TCF3: variants seen among roughly 807,000 people sequenced by gnomAD.
TCF3 encodes transcription factor 3.
In TCF3, 54 loss-of-function variants were observed where a neutral mutation model predicts 72.3. The observed-to-expected ratio is 0.75, with a 90% CI of 0.60 to 0.94. The LOEUF (loss-of-function observed/expected upper bound fraction) is 0.94, where lower values mean the gene tolerates loss of function less well. TCF3 is among the 40% of genes least tolerant of loss of function. TCF3 has a pLI of 0.00. For missense variants in TCF3, 1,078 were observed against 934.4 expected, an observed-to-expected ratio of 1.15 and a Z score of -2.00; for synonymous variants, 525 against 412.6, an observed-to-expected ratio of 1.27 and a Z score of -3.30.
rs536977237 is a variant in TCF3, at chr19:1,615,203, G to A, written c.1822+82C>T. The A allele has an allele frequency of 2.0e-6, 3 of 1,477,094 alleles. No individual in the cohort carries two copies. The South Asian group carries it at 4.1e-5, about 20-fold the overall frequency. The allele number at this position is 1,477,094 out of a possible 1,614,324, so 91.5% of individuals were successfully genotyped here. ...CAGAGGGAGGGCTGGCTCCAGGAAGGCGGGCGGGGAAGGAGAACGAGGGCA... is the reference window on the plus strand; with the variant it reads ...CAGAGGGAGGGCTGGCTCCAGGAAGACGGGCGGGGAAGGAGAACGAGGGCA... On this transcript the variant is annotated intron_variant, in intron 18 of 18. Transcript: ENST00000262965. This position sits in a 1 kb window ranked among gnomAD's most constrained non-coding sequence, Gnocchi z 7.3.
chr19:1,615,764 T>A lies in TCF3; in HGVS notation c.1508A>T (p.Glu503Val), dbSNP rs770520948. 4 of 1,602,692 alleles carry A rather than the reference T, an allele frequency of 2.5e-6. No homozygotes were observed. The African/African-American group carries it at 5.4e-5, about 21-fold the overall frequency. ...AGCCGCTGACGTGTTCTCCTCGTCC[T>A]CCTTCTCCTCCCGCTTGATCTCGCT... ...AASEIKREEKEDEENTSAADH... is the reference protein window; with the variant it reads ...AASEIKREEKVDEENTSAADH... The change falls in exon 17 of 19, where the codon GAG becomes GTG. Residue 503 changes from glutamate (E) to valine (V), a missense_variant. Transcript: ENST00000262965. The surrounding 1 kb of genome is among the most constrained non-coding windows in gnomAD (Gnocchi z 7.3).
In TCF3 at chr19:1,619,406, G is replaced by A. The variant is rs374473648; in HGVS notation, c.1236C>T (p.Ala412=). ...CAGGCAGCAGCGTGTGCATGTCGCC[G>A]GCTGTGCCCACGGCGTGGCTGCGGA... is the stretch of plus-strand genomic sequence containing the variant. ...HVLRSHAVGT[A]GDMHTLLPGH... Residue 412 remains alanine, a synonymous_variant, in exon 15 of 19, where the codon GCC becomes GCT. Coordinates refer to ENST00000262965, the MANE Select transcript of TCF3 (RefSeq NM_003200.5). 148 of 1,593,218 alleles carry A rather than the reference G, an allele frequency of 9.3e-5. 1 individual carries two copies. The East Asian group carries it at 1.3e-3, about 13-fold the overall frequency.
chr19:1,636,349 G>A (rs569373355), intron 3 of TCF3, among the ~76,000 whole-genome samples: 4 of 152,220 alleles, frequency 2.6e-5, no homozygotes, highest in East Asian at 1.9e-4. Flanking sequence ...TAGTAGAGAC[G>A]GGGTTTCATA....
At chr19:1,642,291 C>T (rs1026049050) in intron 3 of TCF3, among the ~76,000 whole-genome samples, 1 of 152,028 alleles carries the variant, frequency 6.6e-6, no homozygotes, top group African/African-American at 2.4e-5. Flanking sequence ...GACGCGCACA[C>T]GCACAGACAC....
Position 1,625,613 on chromosome 19 carries a change from G to C in TCF3, c.462C>G (p.Ser154=), listed in dbSNP as rs144529009. 1 of 1,582,714 alleles carries C rather than the reference G, an allele frequency of 6.3e-7. No individual in the cohort carries two copies. The highest frequency in any genetic ancestry group is 8.6e-7 in the Non-Finnish European group (1 of 1,166,976). Residue 154 remains serine (S), a synonymous_variant, in exon 7 of 19, where the codon TCC becomes TCG. Transcript: ENST00000262965. ...KGTSQYYPSY[S]GSSRRRAADG... ...CTGCCGCTCTCCGCCGGGAGCTGCCGGAGTAGGAGGGGTAGTACTGGGAGG... is the reference window on the plus strand; with the variant it reads ...CTGCCGCTCTCCGCCGGGAGCTGCCCGAGTAGGAGGGGTAGTACTGGGAGG...
chr19:1,619,850 G>T lies in TCF3; in HGVS notation c.1097C>A (p.Thr366Lys). 1 of 1,577,324 alleles carries T rather than the reference G, an allele frequency of 6.3e-7. No individual in the cohort carries two copies. ...PVGSPQGLAG[T>K]SQWPRAGAPG... ...GGCTCCTGCTCGAGGCCACTGTGAC[G>T]TTCCTGGAAGGGAGTGGGGACGTGA... Residue 366 changes from threonine to lysine, a missense_variant, in exon 14 of 19, where the codon ACG becomes AAG. Coordinates refer to ENST00000262965, the MANE Select transcript of TCF3 (RefSeq NM_003200.5).
At chr19:1,642,346 G>A (rs1320548990) in intron 3 of TCF3, among the ~76,000 whole-genome samples, 6 of 152,138 alleles carry the variant, frequency 3.9e-5, no homozygotes, top group African/African-American at 1.2e-4. Context: ...GTGTAAAGCC[G>A]GTGGAATCTG....
chr19:1,650,600 A>T (rs376066897), intron 1 of TCF3: 14 of 290,540 alleles, frequency 4.8e-5, no homozygotes, highest in East Asian at 4.1e-4. Context: ...CCAAGTTTAA[A>T]CTGCACGCAG....
intron 13 of TCF3, among the ~76,000 whole-genome samples, chr19:1,620,608 C>G (rs2062072449): frequency 6.6e-6 from 1 of 152,202 alleles, no homozygotes; most frequent in Non-Finnish European, 1.5e-5. Context: ...GTCCTGCCTC[C>G]TGGCTTTGCC....
chr19:1,647,898 G>T (rs2066369907), intron 2 of TCF3, among the ~76,000 whole-genome samples: 1 of 152,294 alleles, frequency 6.6e-6, no homozygotes, highest in Middle Eastern at 3.4e-3. Context: ...TGTGGGACGT[G>T]GTGAAACCCA....
chr19:1,612,478 G>A (rs922397841), intron 18 of TCF3: 1 of 1,547,420 alleles, frequency 6.5e-7, no homozygotes, highest in Non-Finnish European at 8.9e-7. Flanking sequence ...CGCCAAGGCT[G>A]GGTGGGAGGG....
At chr19:1,612,101 G>T in intron 18 of TCF3, 1 of 1,194,096 alleles carries the variant, frequency 8.4e-7, no homozygotes, top group Non-Finnish European at 1.1e-6. Flanking sequence ...CACAAAGACA[G>T]ACATGGACAG....
rs2060886117 is a variant in TCF3, at chr19:1,610,192, G to A, written c.*1515C>T. On this transcript the variant is annotated 3_prime_UTR_variant, in exon 19 of 19. Transcript: ENST00000262965. Reference sequence around the variant, plus strand: ...CATGGGACACAGATGGGCCCGAGGGGACACCCTGCTGGTTCTGCAGCAGGG... The same window carrying A: ...CATGGGACACAGATGGGCCCGAGGGAACACCCTGCTGGTTCTGCAGCAGGG... The A allele has an allele frequency of 4.3e-6, 1 of 232,272 alleles. No homozygotes were observed. Among genetic ancestry groups the A allele is most frequent in the Non-Finnish European group, 8.5e-6 (1 of 117,540 alleles). The allele number at this position is 232,272 out of a possible 1,614,324, so 14.4% of individuals were successfully genotyped here. A position where few individuals can be genotyped will look rare whatever the true frequency, so the allele number is the denominator to read the frequency against.
rs1217912340 is a variant in TCF3 at position 1,646,344 on chromosome 19, C to A, written c.145+11G>T. ...CACTCCACGAGCGCTGGCAGGAAGG[C>A]GGGGTCCTACCTGAACCTCCGAACT... On this transcript the variant is annotated intron_variant, in intron 3 of 18. Transcript: ENST00000262965. 14 of 1,549,758 alleles carry A rather than the reference C, an allele frequency of 9.0e-6. No individual in the cohort carries two copies. Among genetic ancestry groups the A allele is most frequent in the Non-Finnish European group, 1.1e-5 (13 of 1,146,320 alleles).
chr19:1,615,058 T>A lies in TCF3; in HGVS notation c.1822+227A>T, dbSNP rs1373393049. Among the ~76,000 whole-genome samples the A allele has an allele frequency of 6.6e-6, 1 of 152,046 alleles. No homozygotes were observed. The highest frequency in any genetic ancestry group is 1.5e-5 in the Non-Finnish European group (1 of 68,012). On this transcript the variant is annotated intron_variant, in intron 18 of 18. Coordinates refer to ENST00000262965, the MANE Select transcript of TCF3 (RefSeq NM_003200.5). The surrounding 1 kb of genome is among the most constrained non-coding windows in gnomAD (Gnocchi z 7.3). ...TAGGGGTCCAGAAAGAGTCCAGTCC[T>A]CCCACTGTGGAGGGGATGCTGAGGC...
At chr19:1,616,521 C>T (rs537242282) in intron 16 of TCF3, 18 of 152,202 alleles carry the variant, frequency 1.2e-4, no homozygotes, top group African/African-American at 3.1e-4. Flanking sequence ...GGAATGTCCA[C>T]GTCACCCTTG....
At chr19:1,644,831 G>A (rs2065844018) in intron 3 of TCF3, among the ~76,000 whole-genome samples, 1 of 151,830 alleles carries the variant, frequency 6.6e-6, no homozygotes, top group African/African-American at 2.4e-5. Context: ...AGGCCCTGCT[G>A]TAAGCCCACC....
At chr19:1,619,532 C>A in intron 14 of TCF3, 58 bp from the exon 15 acceptor site, 1 of 1,521,960 alleles carries the variant, frequency 6.6e-7, no homozygotes, top group Non-Finnish European at 8.8e-7. Flanking sequence ...CACAGGCCTC[C>A]ATTCATGTCC....
chr19:1,650,105 C>G (rs753865149), intron 2 of TCF3, 72 bp downstream of exon 2: 7 of 1,403,990 alleles, frequency 5.0e-6, no homozygotes, highest in Middle Eastern at 1.8e-4. Context: ...AGCAAACACT[C>G]TCCCCTGAAA....
Sources: gnomAD v4.1 joint callset for allele counts (sites outside exome capture counted in the v4.1 genomes callset) on GRCh38, gnomAD v4.1.1 for gene constraint, Gnocchi (gnomAD v3.1) non-coding constraint, MANE v1.5 for transcripts, NCBI Gene and HGNC (gene_info 2026-07-23, HGNC 2026-07-21) for gene names.